SEZ6L2: variants seen among roughly 807,000 people sequenced by gnomAD.
SEZ6L2 encodes seizure related 6 homolog like 2.
SEZ6L2 carries 44 observed loss-of-function variants against 97.0 expected under a neutral mutation model. That is an observed-to-expected ratio of 0.45 (90% CI 0.36 to 0.58). The LOEUF (loss-of-function observed/expected upper bound fraction) is 0.58, where lower values mean the gene tolerates loss of function less well. Among genes scored for constraint, SEZ6L2 ranks in the 20% least tolerant of loss-of-function variants. The pLI, the probability that SEZ6L2 is intolerant of heterozygous loss-of-function variation, is 0.00. For missense variants in SEZ6L2, 1,086 were observed against 1,233.3 expected, an observed-to-expected ratio of 0.88 and a Z score of 1.79; for synonymous variants, 543 against 546.1, an observed-to-expected ratio of 0.99 and a Z score of 0.08.
chr16:29,894,234 T>C (rs2068331800), intron 5 of SEZ6L2, among the ~76,000 whole-genome samples: 1 of 152,220 alleles, frequency 6.6e-6, no homozygotes, highest in African/African-American at 2.4e-5. Flanking sequence ...TACTAAGTAT[T>C]GTGATCCCTA....
At chr16:29,890,496 T>A (rs914097419) in intron 5 of SEZ6L2, among the ~76,000 whole-genome samples, 1 of 152,172 alleles carries the variant, frequency 6.6e-6, no homozygotes, top group Non-Finnish European at 1.5e-5. Flanking sequence ...CATTCCAGGT[T>A]CAGGGTTGAT....
chr16:29,877,626 A>G (rs1195890447), intron 10 of SEZ6L2, among the ~76,000 whole-genome samples, 159 bp from the exon 11 acceptor site: 2 of 152,080 alleles, frequency 1.3e-5, no homozygotes, highest in Non-Finnish European at 1.5e-5. Context: ...GTTTTGACCA[A>G]CCATGGTTTC....
At chr16:29,880,098 A>G (rs1362441655) in intron 8 of SEZ6L2, 34 bp from the exon 9 acceptor site, 1 of 1,603,954 alleles carries the variant, frequency 6.2e-7, no homozygotes, top group Admixed American at 1.7e-5. Flanking sequence ...ATTAAGCATT[A>G]GGACAGGCCT....
intron 9 of SEZ6L2, among the ~76,000 whole-genome samples, chr16:29,879,311 C>T (rs556526138): frequency 6.6e-6 from 1 of 151,946 alleles, no homozygotes; most frequent in Admixed American, 6.6e-5. Flanking sequence ...CCGCAACCTC[C>T]GCCTCCCGGG....
intron 5 of SEZ6L2, 96 bp downstream of exon 5, chr16:29,895,163 A>T: frequency 9.1e-7 from 1 of 1,097,756 alleles, no homozygotes; most frequent in Non-Finnish European, 1.3e-6. Context: ...TGGGCGACAG[A>T]GCAAGACTCT....
At chr16:29,877,489 A>G (rs1596964037) in intron 10 of SEZ6L2, 22 bp from the exon 11 acceptor site, 1 of 1,556,418 alleles carries the variant, frequency 6.4e-7, no homozygotes. Flanking sequence ...GAGACCAGGC[A>G]ATGGGGCGGG....
intron 12 of SEZ6L2, among the ~76,000 whole-genome samples, chr16:29,874,428 C>T (rs11649093): frequency 2.0e-4 from 30 of 152,054 alleles, no homozygotes; most frequent in Non-Finnish European, 3.1e-4. Context: ...TGCCTTCAGG[C>T]GTTTGAGTTT....
chr16:29,888,407 G>T, intron 6 of SEZ6L2, 133 bp downstream of exon 6: 2 of 868,990 alleles, frequency 2.3e-6, no homozygotes, highest in South Asian at 1.8e-5. Context: ...ACCCCAGGAT[G>T]GGGACTCCTC....
chr16:29,889,723 C>A (rs1183013155), intron 5 of SEZ6L2, among the ~76,000 whole-genome samples: 1 of 142,558 alleles, frequency 7.0e-6, no homozygotes, highest in Non-Finnish European at 1.5e-5. Flanking sequence ...GAACTCCTGG[C>A]CTCAAGCAAT....
At chr16:29,892,944 G>A (rs2068301692) in intron 5 of SEZ6L2, among the ~76,000 whole-genome samples, 1 of 152,240 alleles carries the variant, frequency 6.6e-6, no homozygotes, top group African/African-American at 2.4e-5. Flanking sequence ...AACAAATGCA[G>A]TCGTGCGTGA....
At chr16:29,885,549 T>TGGC in intron 8 of SEZ6L2, 37 bp downstream of exon 8, 1 of 1,596,782 alleles carries the variant, frequency 6.3e-7, no homozygotes, top group Non-Finnish European at 8.6e-7. Context: ...GGGGAAGGTG[T>TGGC]GGCGGTTGGG....
At chr16:29,894,347 T>TG (rs1347510066) in intron 5 of SEZ6L2, among the ~76,000 whole-genome samples, 3 of 152,190 alleles carry the variant, frequency 2.0e-5, no homozygotes, top group African/African-American at 7.2e-5. Flanking sequence ...TCACCTCATC[T>TG]GGGGGTCACG....
At chr16:29,878,550 A>G (rs1170644621) in intron 9 of SEZ6L2, 125 bp from the exon 10 acceptor site, 2 of 638,760 alleles carry the variant, frequency 3.1e-6, no homozygotes, top group Non-Finnish European at 2.3e-6. Flanking sequence ...CCTATGATCC[A>G]CCTGTTTCTT....
At chr16:29,894,135 T>G (rs2068330058) in intron 5 of SEZ6L2, among the ~76,000 whole-genome samples, 1 of 152,206 alleles carries the variant, frequency 6.6e-6, no homozygotes, top group Admixed American at 6.5e-5. Flanking sequence ...CCTCCCAAAG[T>G]GCTGAGATTA....
chr16:29,883,049 T>TGAAATAGAACAGTGAA (rs2068061296), intron 8 of SEZ6L2, among the ~76,000 whole-genome samples: 1 of 152,238 alleles, frequency 6.6e-6, no homozygotes, highest in South Asian at 2.1e-4. Flanking sequence ...TCCACTGTTC[T>TGAAATAGAACAGTGAA]ATTTCACTGT....
Position 29,873,770 on chromosome 16 carries a change from C to A in SEZ6L2, c.2105-41G>T. On this transcript the variant is annotated intron_variant, in intron 12 of 17. Coordinates refer to ENST00000617533, the MANE Select transcript of SEZ6L2 (RefSeq NM_001243332.2). This position sits in a 1 kb window ranked among gnomAD's most constrained non-coding sequence, Gnocchi z 4.3. Reference sequence around the variant, plus strand: ...CAAGGTCAGGGGGAGCGAGGGCCTTCAAAGATCAGCCTGGGCAACACAGAG... The same window carrying A: ...CAAGGTCAGGGGGAGCGAGGGCCTTAAAAGATCAGCCTGGGCAACACAGAG... 6.6e-7 allele frequency: 1 copy of A among 1,515,264 alleles called. No individual in the cohort carries two copies. The highest frequency in any genetic ancestry group is 1.3e-5 in the South Asian group (1 of 78,850). 93.9% of individuals were successfully genotyped at this position (1,515,264 alleles called of 1,614,324 possible).
rs1471033549 is a variant in SEZ6L2 at position 29,871,602 on chromosome 16, G to A, written c.*97C>T. On this transcript the variant is annotated 3_prime_UTR_variant, in exon 18 of 18. Coordinates refer to ENST00000617533, the MANE Select transcript of SEZ6L2 (RefSeq NM_001243332.2). ...GGAGACTATTTACACAGCCAGGGAG[G>A]AGGGCAGCCAGGAGGCAGAGACCGG... The A allele has an allele frequency of 7.3e-6, 9 of 1,238,200 alleles. No homozygotes were observed. The highest frequency in any genetic ancestry group is 5.8e-6 in the Non-Finnish European group (5 of 860,080). 76.7% of individuals were successfully genotyped at this position (1,238,200 alleles called of 1,614,324 possible).
chr16:29,892,959 AG>A (rs2068302174), intron 5 of SEZ6L2, among the ~76,000 whole-genome samples: 1 of 152,220 alleles, frequency 6.6e-6, no homozygotes, highest in Non-Finnish European at 1.5e-5. Flanking sequence ...GCGTGAATAC[AG>A]CCCCCCTTTC....
chr16:29,895,854 C>A lies in SEZ6L2; in HGVS notation c.518G>T (p.Cys173Phe), dbSNP rs763100339. The A allele has an allele frequency of 1.2e-6, 2 of 1,611,916 alleles. No homozygotes were observed. ...VTTTVTSPVL[C>F]NNNISEGEGY... ...TTCGCCCTCGGAGATGTTGTTATTA[C>A]ACAGAACTGAGGAGATACAAATGGC... The change falls in exon 4 of 18, where the codon TGT becomes TTT. Residue 173 changes from cysteine to phenylalanine, a missense_variant. Transcript: ENST00000617533.
Sources: gnomAD v4.1 joint callset for allele counts (sites outside exome capture counted in the v4.1 genomes callset) on GRCh38, gnomAD v4.1.1 for gene constraint, Gnocchi (gnomAD v3.1) non-coding constraint, MANE v1.5 for transcripts, NCBI Gene and HGNC (gene_info 2026-07-23, HGNC 2026-07-21) for gene names.